Variants in COX10 observed in about 807,000 individuals in gnomAD.
COX10 encodes cytochrome c oxidase assembly factor heme A:farnesyltransferase COX10.
In COX10, 27 loss-of-function variants were observed where a neutral mutation model predicts 37.3. The ratio of observed to expected loss-of-function variants is 0.72; its 90% CI spans 0.53 to 1.00. The LOEUF (loss-of-function observed/expected upper bound fraction) is 1.00. COX10 is among the 50% of genes least tolerant of loss of function. The pLI, the probability that COX10 is intolerant of heterozygous loss-of-function variation, is 0.00. For synonymous variants in COX10, 222 were observed against 229.1 expected, an observed-to-expected ratio of 0.97 and a Z score of 0.28; for missense variants, 475 against 563.2, an observed-to-expected ratio of 0.84 and a Z score of 1.59.
chr17:14,204,067 T>C (rs1906624422), intron 6 of COX10, among the ~76,000 whole-genome samples: 2 of 152,150 alleles, frequency 1.3e-5, no homozygotes, highest in South Asian at 4.1e-4. Context: ...ATAACTTAAT[T>C]GGCTCCCTTG....
intron 4 of COX10, among the ~76,000 whole-genome samples, chr17:14,152,765 C>A (rs901306750): frequency 6.6e-6 from 1 of 152,172 alleles, no homozygotes. Context: ...TTTGATGATG[C>A]ACATGACCTA....
At chr17:14,194,143 G>C (rs1222232448) in intron 6 of COX10, among the ~76,000 whole-genome samples, 1 of 152,040 alleles carries the variant, frequency 6.6e-6, no homozygotes, top group Non-Finnish European at 1.5e-5. Flanking sequence ...ACAGGAGACT[G>C]GTATGGGCAG....
At chr17:14,201,826 CT>C (rs1906549146) in intron 6 of COX10, among the ~76,000 whole-genome samples, 3 of 152,240 alleles carry the variant, frequency 2.0e-5, no homozygotes, top group African/African-American at 7.2e-5. Flanking sequence ...GGCTGGGCTT[CT>C]CTGTACCTCG....
intron 4 of COX10, among the ~76,000 whole-genome samples, chr17:14,124,217 A>G (rs1916286714): frequency 6.6e-6 from 1 of 152,204 alleles, no homozygotes; most frequent in South Asian, 2.1e-4. Flanking sequence ...TTTTAATGAT[A>G]GAAAGAATTG....
At chr17:14,133,817 C>T (rs970154020) in intron 4 of COX10, among the ~76,000 whole-genome samples, 1 of 151,636 alleles carries the variant, frequency 6.6e-6, no homozygotes. Context: ...GTGTTTAATT[C>T]AGATTTTTAT....
intron 4 of COX10, among the ~76,000 whole-genome samples, chr17:14,118,833 C>G (rs1916168756): frequency 6.7e-6 from 1 of 149,870 alleles, no homozygotes. Context: ...AGTTCCATTT[C>G]TCACCCATTT....
chr17:14,186,023 G>C (rs1906014748), intron 5 of COX10, among the ~76,000 whole-genome samples: 1 of 152,156 alleles, frequency 6.6e-6, no homozygotes, highest in Non-Finnish European at 1.5e-5. Context: ...ATACAAGCTA[G>C]CTGAAGGCTG....
At chr17:14,193,289 C>T (rs1906266705) in intron 6 of COX10, among the ~76,000 whole-genome samples, 1 of 152,206 alleles carries the variant, frequency 6.6e-6, no homozygotes, top group Non-Finnish European at 1.5e-5. Flanking sequence ...CTCTTTCTGC[C>T]ACTGTCTCCT....
intron 4 of COX10, among the ~76,000 whole-genome samples, chr17:14,144,338 A>G (rs1904647315): frequency 1.3e-5 from 2 of 152,108 alleles, no homozygotes; most frequent in Non-Finnish European, 2.9e-5. Context: ...CCAGGGTCAT[A>G]CTGTTGTCAC....
At chr17:14,105,689 A>C (rs147801924) in intron 4 of COX10, among the ~76,000 whole-genome samples, 57 of 152,294 alleles carry the variant, frequency 3.7e-4, no homozygotes, top group African/African-American at 1.3e-3. Context: ...AAGCAAAAAT[A>C]ACAATAACAA....
intron 4 of COX10, among the ~76,000 whole-genome samples, chr17:14,107,262 T>G (rs1315993295): frequency 6.6e-6 from 1 of 152,126 alleles, no homozygotes; most frequent in Non-Finnish European, 1.5e-5. Context: ...ATCCTGGCTA[T>G]AATTTCTGTC....
chr17:14,154,180 G>T (rs1035244483), intron 4 of COX10, among the ~76,000 whole-genome samples: 1 of 152,192 alleles, frequency 6.6e-6, no homozygotes, highest in Non-Finnish European at 1.5e-5. Flanking sequence ...GGGGTGATTT[G>T]AATATGTTCA....
At chr17:14,176,304 C>T (rs1298201826) in intron 5 of COX10, among the ~76,000 whole-genome samples, 1 of 152,102 alleles carries the variant, frequency 6.6e-6, no homozygotes, top group Non-Finnish European at 1.5e-5. Context: ...GCAGAGGTGA[C>T]ATTAGAACGT....
intron 4 of COX10, among the ~76,000 whole-genome samples, chr17:14,154,572 C>T (rs1904992057): frequency 6.6e-6 from 1 of 152,128 alleles, no homozygotes; most frequent in Non-Finnish European, 1.5e-5. Context: ...GTTTAGGCTT[C>T]AGTTTAGGTA....
chr17:14,156,314 CT>C (rs1283099432), intron 4 of COX10, among the ~76,000 whole-genome samples: 1 of 152,140 alleles, frequency 6.6e-6, no homozygotes, highest in Non-Finnish European at 1.5e-5. Flanking sequence ...CAAGCTCTGC[CT>C]CCCGGGAGGG....
chr17:14,194,746 G>C lies in COX10; in HGVS notation c.928+2525G>C, dbSNP rs188798681. 1.4e-3 allele frequency among the ~76,000 whole-genome samples: 216 copies of C among 152,214 alleles called. 1 individual carries two copies. Among genetic ancestry groups the C allele is most frequent in the Middle Eastern group, 3.4e-3 (1 of 294 alleles). ...GGCCTAAAATAAATTTTTTAATGTTGATTATAGTCTTTCTATAATACAGAT... is the reference window on the plus strand; with the variant it reads ...GGCCTAAAATAAATTTTTTAATGTTCATTATAGTCTTTCTATAATACAGAT... On this transcript the variant is annotated intron_variant, in intron 6 of 6. Coordinates refer to ENST00000261643, the MANE Select transcript of COX10 (RefSeq NM_001303.4).
At position 14,152,775 on chromosome 17, in the gene COX10, A is replaced by G. The variant is rs148405162; in HGVS notation, c.625-7102A>G. On this transcript the variant is annotated intron_variant, in intron 4 of 6. Coordinates refer to ENST00000261643, the MANE Select transcript of COX10 (RefSeq NM_001303.4). ...CGGACTTTGATGATGCACATGACCT[A>G]CAGAAGAGCTTGTATGTTCCACCAA... Among the ~76,000 whole-genome samples the G allele has an allele frequency of 1.9e-3, 282 of 152,290 alleles. 2 individuals carry two copies. Among genetic ancestry groups the G allele is most frequent in the African/African-American group, 6.5e-3 (270 of 41,566 alleles).
At chr17:14,194,445 G>T (rs1354465857) in intron 6 of COX10, among the ~76,000 whole-genome samples, 4 of 152,018 alleles carry the variant, frequency 2.6e-5, no homozygotes, top group African/African-American at 4.8e-5. Context: ...TTTTTCTTTT[G>T]AGATGGCGTC....
chr17:14,143,358 CAT>C (rs1405421864), intron 4 of COX10, among the ~76,000 whole-genome samples: 1 of 151,996 alleles, frequency 6.6e-6, no homozygotes, highest in East Asian at 1.9e-4. Context: ...TGCTTGAAAA[CAT>C]ATACTCTTTA....
Sources: allele counts gnomAD v4.1 joint callset (sites outside exome capture counted in the v4.1 genomes callset), GRCh38; gene constraint gnomAD v4.1.1; transcripts MANE v1.5; gene names NCBI Gene and HGNC (gene_info 2026-07-23, HGNC 2026-07-21).